SPPL2B: variants seen among roughly 807,000 people sequenced by gnomAD.
SPPL2B encodes signal peptide peptidase-like 2B.
In SPPL2B, 39 loss-of-function variants were observed where a neutral mutation model predicts 59.7. The ratio of observed to expected loss-of-function variants is 0.65; its 90% CI spans 0.51 to 0.85. The LOEUF is 0.85. Ranked by LOEUF, SPPL2B falls within the 40% of genes least tolerant of loss-of-function variation. The pLI is 0.00. For synonymous variants in SPPL2B, 419 were observed against 370.8 expected (o/e 1.13, Z -1.49); for missense variants, 865 against 849.0 (o/e 1.02, Z -0.23).
chr19:2,332,926 G>A lies in SPPL2B; in HGVS notation c.67-1676G>A, dbSNP rs991647764. Among the ~76,000 whole-genome samples the A allele has an allele frequency of 6.6e-6, 1 of 151,942 alleles. No individual in the cohort carries two copies. The highest frequency in any genetic ancestry group is 2.4e-5 in the African/African-American group (1 of 41,314). Reference sequence around the variant, plus strand: ...GGCAGGGGAGCAGAAGGAAGGTGGGGATGGCAGGTGCGGGCGGCTGGACTG... The same window carrying A: ...GGCAGGGGAGCAGAAGGAAGGTGGGAATGGCAGGTGCGGGCGGCTGGACTG... On this transcript the variant is annotated intron_variant, in intron 1 of 14. Transcript: ENST00000613503. The surrounding 1 kb of genome is among the most constrained non-coding windows in gnomAD (Gnocchi z 4.6).
intron 12 of SPPL2B, among the ~76,000 whole-genome samples, 193 bp downstream of exon 12, chr19:2,344,845 A>T (rs949015265): frequency 1.3e-5 from 2 of 151,266 alleles, no homozygotes; most frequent in African/African-American, 4.9e-5. Context: ...TGGGGTAGGG[A>T]CCCCCTTTGT....
Position 2,338,752 on chromosome 19 carries a change from G to A in SPPL2B, c.370G>A (p.Val124Ile). The change falls in exon 4 of 15, where the codon GTC becomes ATC. Residue 124 changes from valine (V) to isoleucine (I), a missense_variant and splice_region_variant. Val to Ile is a conservative substitution (Grantham distance 29). Transcript: ENST00000613503. ...GLLIVSRERL[V>I]PPGGNKTQYD... is the part of the protein sequence containing the mutation. ...GCCGCTCCCTCCTCTGGGCCCCCAG[G>A]TCCCCCCGGGGGGTAATAAGACGCA... 6.2e-7 allele frequency: 1 copy of A among 1,611,970 alleles called. No individual in the cohort carries two copies. Among genetic ancestry groups the A allele is most frequent in the Non-Finnish European group, 8.5e-7 (1 of 1,178,642 alleles).
In SPPL2B at chr19:2,334,666, A is replaced by G. The variant is rs1257818524; in HGVS notation, c.131A>G (p.Tyr44Cys). The change falls in exon 2 of 15, where the codon TAC (tyrosine) becomes TGC (cysteine). Residue 44 changes from tyrosine to cysteine, a missense_variant. By Grantham distance (194) the Tyr-to-Cys change is radical. Coordinates refer to ENST00000613503, the MANE Select transcript of SPPL2B (RefSeq NM_152988.3). Reference sequence around the variant, plus strand: ...GCCGGGGGCCCCGAAGGCAAAGACTACTGCATCCTCTACAACCCGCAGTGG... The same window carrying G: ...GCCGGGGGCCCCGAAGGCAAAGACTGCTGCATCCTCTACAACCCGCAGTGG... The part of the protein sequence containing the change: ...SQAGGPEGKD[Y>C]CILYNPQWAH... 2.5e-6 allele frequency: 4 copies of G among 1,613,052 alleles called. No individual in the cohort carries two copies. Among genetic ancestry groups the G allele is most frequent in the Non-Finnish European group, 3.4e-6 (4 of 1,179,482 alleles).
In SPPL2B at chr19:2,337,502, C is replaced by T. The variant is rs373534801; in HGVS notation, c.246C>T (p.Pro82=). 64 of 1,613,210 alleles carry T rather than the reference C, an allele frequency of 4.0e-5. No individual in the cohort carries two copies. Among genetic ancestry groups the T allele is most frequent in the South Asian group, 9.9e-5 (9 of 91,040 alleles). The change falls in exon 3 of 15, where the codon CCC becomes CCT. Residue 82 remains proline (P), a synonymous_variant. Transcript: ENST00000613503. ...TGCTCTGCTCCGCAGCCGACCTCCC[C>T]GCCCGTGGCTTCAGCAACCAGATCC... is the stretch of plus-strand genomic sequence containing the variant. ...ASLLCSAADL[P]ARGFSNQIPL...
rs772651981 is a variant in SPPL2B at position 2,339,108 on chromosome 19, A to G, written c.499A>G (p.Lys167Glu). The change falls in exon 5 of 15, where the codon AAG becomes GAG. Residue 167 changes from lysine (K) to glutamate (E), a missense_variant. By Grantham distance (56) the Lys-to-Glu change is moderately conservative. Transcript: ENST00000613503. ...GGTGAGGGCGGCGCTGTATGCGCCTAAGGAGCCGGTGCTGGACTACAACAT... is the reference window on the plus strand; with the variant it reads ...GGTGAGGGCGGCGCTGTATGCGCCTGAGGAGCCGGTGCTGGACTACAACAT... Reference protein sequence around the residue: ...RTVRAALYAPKEPVLDYNMVI... With the variant: ...RTVRAALYAPEEPVLDYNMVI... 3.2e-6 allele frequency: 5 copies of G among 1,576,116 alleles called. No individual in the cohort carries two copies. The highest frequency in any genetic ancestry group is 4.3e-6 in the Non-Finnish European group (5 of 1,161,182).
In SPPL2B at chr19:2,353,016, C is replaced by T. The variant is rs763433766; in HGVS notation, c.1586C>T (p.Thr529Met). ...CCGCAGCCTCCCAAAGACTCTGCCA[C>T]GCCACTCTCCCCGCAGCCGCCCAGC... is the stretch of plus-strand genomic sequence containing the variant. ...DGPQPPKDSA[T>M]PLSPQPPSEE... The change falls in exon 15 of 15, where the codon ACG becomes ATG. Residue 529 changes from threonine to methionine, a missense_variant. Thr to Met is a moderately conservative substitution (Grantham distance 81). Coordinates refer to ENST00000613503, the MANE Select transcript of SPPL2B (RefSeq NM_152988.3). The T allele has an allele frequency of 1.6e-5, 26 of 1,612,060 alleles. No homozygotes were observed. The highest frequency in any genetic ancestry group is 1.6e-4 in the Middle Eastern group (1 of 6,082).
Position 2,340,109 on chromosome 19 carries a change from C to A in SPPL2B, c.776C>A (p.Ser259Tyr). Residue 259 changes from serine (S) to tyrosine (Y), a missense_variant, in exon 7 of 15, where the codon TCC becomes TAC. By Grantham distance (144) the Ser-to-Tyr change is moderately radical. Coordinates refer to ENST00000613503, the MANE Select transcript of SPPL2B (RefSeq NM_152988.3). ...YVVIGIFCLA[S>Y]ATGLYSCLAP... ...GTCATCGGGATCTTCTGCCTGGCCTCCGCCACCGGCCTCTACAGCTGCCTG... is the reference window on the plus strand; with the variant it reads ...GTCATCGGGATCTTCTGCCTGGCCTACGCCACCGGCCTCTACAGCTGCCTG... The A allele has an allele frequency of 6.3e-7, 1 of 1,594,362 alleles. No homozygotes were observed. Among genetic ancestry groups the A allele is most frequent in the East Asian group, 2.3e-5 (1 of 44,418 alleles).
chr19:2,348,450 A>T (rs1969624286), intron 13 of SPPL2B, among the ~76,000 whole-genome samples: 1 of 109,856 alleles, frequency 9.1e-6, no homozygotes. Context: ...ACACACACTC[A>T]TGCGCTGTCA....
intron 1 of SPPL2B, 61 bp from the exon 2 acceptor site, chr19:2,334,541 T>A: frequency 6.5e-7 from 1 of 1,547,992 alleles, no homozygotes; most frequent in East Asian, 2.4e-5. Context: ...CTGTTTCTCG[T>A]GGGGCGGTGC....
chr19:2,339,052 T>A lies in SPPL2B; in HGVS notation c.460-17T>A. The stretch of plus-strand genomic sequence containing the variant: ...GGGTGGCTCTGACGCCTGCCTCCGG[T>A]GTGTTCCTTGAGGCAGCGTTTCGGC... On this transcript the variant is annotated splice_polypyrimidine_tract_variant and intron_variant, in intron 4 of 14. Coordinates refer to ENST00000613503, the MANE Select transcript of SPPL2B (RefSeq NM_152988.3). 1 of 1,546,446 alleles carries A rather than the reference T, an allele frequency of 6.5e-7. No individual in the cohort carries two copies. The highest frequency in any genetic ancestry group is 1.2e-5 in the South Asian group (1 of 84,324).
intron 9 of SPPL2B, among the ~76,000 whole-genome samples, chr19:2,343,581 G>A (rs1423482461): frequency 6.6e-6 from 1 of 152,138 alleles, no homozygotes; most frequent in Non-Finnish European, 1.5e-5. Context: ...CTGGCCTCAG[G>A]TGGTACCGGG....
chr19:2,330,166 TG>T (rs1968206919), intron 1 of SPPL2B: 1 of 151,300 alleles, frequency 6.6e-6, no homozygotes, highest in Non-Finnish European at 1.5e-5. Flanking sequence ...TGGAGTGCAG[TG>T]GCATGATCTA....
chr19:2,334,336 G>A (rs1012886817), intron 1 of SPPL2B, among the ~76,000 whole-genome samples: 4 of 152,354 alleles, frequency 2.6e-5, no homozygotes, highest in East Asian at 1.9e-4. Context: ...GCAGAAACTC[G>A]GGAGCCACAA....
At position 2,344,441 on chromosome 19, in the gene SPPL2B, C is replaced by T; in HGVS notation, c.1176+17C>T. 1 of 1,570,008 alleles carries T rather than the reference C, an allele frequency of 6.4e-7. No homozygotes were observed. Among genetic ancestry groups the T allele is most frequent in the Non-Finnish European group, 8.6e-7 (1 of 1,157,278 alleles). Reference sequence around the variant, plus strand: ...CGTGAGAAGGTGTGTCTTCTGACTGCAGGGTCTCAGGTTGCCATGGGTCAA... The same window carrying T: ...CGTGAGAAGGTGTGTCTTCTGACTGTAGGGTCTCAGGTTGCCATGGGTCAA... On this transcript the variant is annotated intron_variant, in intron 11 of 14. Coordinates refer to ENST00000613503, the MANE Select transcript of SPPL2B (RefSeq NM_152988.3).
At chr19:2,339,257 C>CA in intron 5 of SPPL2B, 49 bp downstream of exon 5, 1 of 1,572,818 alleles carries the variant, frequency 6.4e-7, no homozygotes, top group Non-Finnish European at 8.6e-7. Context: ...GCGGCTCTGA[C>CA]ACGGGCCGGG....
chr19:2,341,136 G>A (rs756069155), intron 8 of SPPL2B, 122 bp downstream of exon 8: 23 of 748,764 alleles, frequency 3.1e-5, no homozygotes, highest in Admixed American at 6.0e-5. Flanking sequence ...CTTCAGCACC[G>A]CGTGATGAAG....
In SPPL2B at chr19:2,345,341, C is replaced by A. The variant is rs372431871; in HGVS notation, c.1354+11C>A. 1 of 1,611,706 alleles carries A rather than the reference C, an allele frequency of 6.2e-7. No individual in the cohort carries two copies. Among genetic ancestry groups the A allele is most frequent in the East Asian group, 2.2e-5 (1 of 44,862 alleles). On this transcript the variant is annotated intron_variant, in intron 13 of 14. Coordinates refer to ENST00000613503, the MANE Select transcript of SPPL2B (RefSeq NM_152988.3). ...TGGCCTGCACCATCGGTAAGTGCCT[C>A]GGTTGGGCCCGTGCTGGCCTCTCTG...
At chr19:2,348,507 G>T (rs1420378227) in intron 13 of SPPL2B, among the ~76,000 whole-genome samples, 2 of 140,470 alleles carry the variant, frequency 1.4e-5, no homozygotes, top group African/African-American at 2.7e-5. Flanking sequence ...GCTCTCATTC[G>T]CTTGATTCCG....
intron 3 of SPPL2B, 116 bp from the exon 4 acceptor site, chr19:2,338,636 C>T: frequency 3.0e-6 from 2 of 671,946 alleles, no homozygotes; most frequent in Non-Finnish European, 2.5e-6. Context: ...GCAGGCGCCC[C>T]CAGCCTGACC....
Sources: gnomAD v4.1 joint callset for allele counts (sites outside exome capture counted in the v4.1 genomes callset) on GRCh38, gnomAD v4.1.1 for gene constraint, Gnocchi (gnomAD v3.1) non-coding constraint, MANE v1.5 for transcripts, NCBI Gene and HGNC (gene_info 2026-07-23, HGNC 2026-07-21) for gene names.